ST6GALNAC3: variants seen among roughly 807,000 people sequenced by gnomAD.
ST6GALNAC3 encodes ST6 N-acetylgalactosaminide alpha-2,6-sialyltransferase 3.
ST6GALNAC3 carries 25 observed loss-of-function variants against 32.7 expected under a neutral mutation model. That is an observed-to-expected ratio of 0.76 (90% confidence interval 0.56 to 1.07). ST6GALNAC3 has a LOEUF of 1.07. ST6GALNAC3 is among the 50% of genes least tolerant of loss of function. The pLI is 0.00. For synonymous variants in ST6GALNAC3, 129 were observed against 133.1 expected, an observed-to-expected ratio of 0.97 and a Z score of 0.21; for missense variants, 355 against 382.4, an observed-to-expected ratio of 0.93 and a Z score of 0.60.
intron 2 of ST6GALNAC3, among the ~76,000 whole-genome samples, chr1:76,346,038 C>T (rs1648480496): frequency 1.3e-5 from 2 of 151,936 alleles, no homozygotes; most frequent in African/African-American, 4.8e-5. Flanking sequence ...CCATCTCTTC[C>T]TCCTGCTAGC....
chr1:76,125,709 TTTG>T (rs1649198015), intron 1 of ST6GALNAC3, among the ~76,000 whole-genome samples: 1 of 152,220 alleles, frequency 6.6e-6, no homozygotes. Flanking sequence ...GTTCAAAATC[TTTG>T]TTGTTGACCG....
In ST6GALNAC3 at chr1:76,242,613, A is replaced by G. The variant is rs75448753; in HGVS notation, c.19-71192A>G. On this transcript the variant is annotated intron_variant, in intron 1 of 4. Coordinates refer to ENST00000328299, the MANE Select transcript of ST6GALNAC3 (RefSeq NM_152996.4). ...AATGCTCTCCCTCCCCTTTCCCCTC[A>G]CCCTGCAACAGGCCCTGGTGTGTGA... 7.9e-3 allele frequency among the ~76,000 whole-genome samples: 1,189 copies of G among 151,462 alleles called. 16 individuals are homozygous for G. The highest frequency in any genetic ancestry group is 0.027 in the African/African-American group (1,132 of 41,216).
rs532639780 is a variant in ST6GALNAC3 at position 76,383,213 on chromosome 1, A to G, written c.214-28795A>G. ...AAAATAAAATATTTGTGGATAAACAAAAGCAGGTAATTTGTAAACAGCAAA... is the reference window on the plus strand; with the variant it reads ...AAAATAAAATATTTGTGGATAAACAGAAGCAGGTAATTTGTAAACAGCAAA... On this transcript the variant is annotated intron_variant, in intron 2 of 4. Coordinates refer to ENST00000328299, the MANE Select transcript of ST6GALNAC3 (RefSeq NM_152996.4). Among the ~76,000 whole-genome samples the G allele has an allele frequency of 7.9e-4, 120 of 152,266 alleles. 1 individual carries two copies. The highest frequency in any genetic ancestry group is 4.4e-3 in the Admixed American group (68 of 15,298).
intron 3 of ST6GALNAC3, among the ~76,000 whole-genome samples, chr1:76,624,508 A>G (rs555732495): frequency 2.6e-5 from 4 of 151,904 alleles, no homozygotes; most frequent in Non-Finnish European, 5.9e-5. Context: ...TGCTTGTTTC[A>G]CAGAATAAGT....
At chr1:76,610,390 C>T (rs1433795646) in intron 3 of ST6GALNAC3, among the ~76,000 whole-genome samples, 4 of 152,136 alleles carry the variant, frequency 2.6e-5, no homozygotes, top group Non-Finnish European at 4.4e-5. Context: ...AGCAATCATT[C>T]CTTGCTCTTG....
chr1:76,292,140 C>T (rs1557759090), intron 1 of ST6GALNAC3, among the ~76,000 whole-genome samples: 1 of 152,192 alleles, frequency 6.6e-6, no homozygotes, highest in Admixed American at 6.5e-5. Context: ...ATTGCCCAAA[C>T]CAGAAATGAG....
At position 76,160,292 on chromosome 1, in the gene ST6GALNAC3, G is replaced by A. The variant is rs116273183; in HGVS notation, c.18+85408G>A. On this transcript the variant is annotated intron_variant, in intron 1 of 4. Transcript: ENST00000328299. ...CCGTAAGCATTGGGGAGCTCTCAGA[G>A]GATTTTAAGAAGGGGAGTCTGTGTC... is the stretch of plus-strand genomic sequence containing the variant. Among the ~76,000 whole-genome samples the A allele has an allele frequency of 4.1e-3, 626 of 152,256 alleles. 4 individuals carry two copies. The highest frequency in any genetic ancestry group is 0.015 in the African/African-American group (610 of 41,552).
At chr1:76,164,928 A>G (rs573321722) in intron 1 of ST6GALNAC3, among the ~76,000 whole-genome samples, 1 of 152,202 alleles carries the variant, frequency 6.6e-6, no homozygotes, top group African/African-American at 2.4e-5. Flanking sequence ...AGAGGGGACT[A>G]AAATGTGTGT....
intron 1 of ST6GALNAC3, among the ~76,000 whole-genome samples, chr1:76,185,282 C>G (rs895039496): frequency 6.6e-6 from 1 of 152,146 alleles, no homozygotes; most frequent in African/African-American, 2.4e-5. Context: ...GGGTCTGGCA[C>G]TGAGGAATCA....
intron 3 of ST6GALNAC3, among the ~76,000 whole-genome samples, chr1:76,606,516 G>A (rs1353197998): frequency 6.6e-6 from 1 of 152,076 alleles, no homozygotes; most frequent in African/African-American, 2.4e-5. Flanking sequence ...GCTGAACAAT[G>A]AGGACATGGA....
chr1:76,537,369 G>A (rs1298890495), intron 3 of ST6GALNAC3, among the ~76,000 whole-genome samples: 7 of 152,138 alleles, frequency 4.6e-5, no homozygotes, highest in African/African-American at 1.7e-4. Context: ...ATATCAGAAA[G>A]CTAAAAAGAT....
intron 1 of ST6GALNAC3, among the ~76,000 whole-genome samples, chr1:76,131,934 G>A (rs763116777): frequency 8.5e-5 from 13 of 152,082 alleles, no homozygotes; most frequent in Non-Finnish European, 1.8e-4. Context: ...GATGCAAGGG[G>A]TACCATGATC....
chr1:76,522,853 G>T (rs1276929033), intron 3 of ST6GALNAC3, among the ~76,000 whole-genome samples: 1 of 152,190 alleles, frequency 6.6e-6, no homozygotes, highest in Non-Finnish European at 1.5e-5. Flanking sequence ...TCATTGATCT[G>T]TTGGTTCACA....
intron 3 of ST6GALNAC3, among the ~76,000 whole-genome samples, chr1:76,448,386 C>T (rs1049026815): frequency 2.0e-5 from 3 of 152,164 alleles, no homozygotes; most frequent in East Asian, 1.9e-4. Context: ...TCACATGAGA[C>T]GTTGGTCTAT....
intron 1 of ST6GALNAC3, among the ~76,000 whole-genome samples, chr1:76,104,348 A>G (rs1647374887): frequency 6.6e-6 from 1 of 152,192 alleles, no homozygotes; most frequent in Admixed American, 6.5e-5. Flanking sequence ...TTAGTTTCAG[A>G]TATTGAGATG....
chr1:76,603,901 T>C (rs1255288491), intron 3 of ST6GALNAC3, among the ~76,000 whole-genome samples: 2 of 152,134 alleles, frequency 1.3e-5, no homozygotes, highest in African/African-American at 4.8e-5. Context: ...TTCATATATA[T>C]GAAATATTTC....
At chr1:76,170,627 CCAGTA>C (rs1214077619) in intron 1 of ST6GALNAC3, among the ~76,000 whole-genome samples, 2 of 152,094 alleles carry the variant, frequency 1.3e-5, no homozygotes, top group Non-Finnish European at 2.9e-5. Flanking sequence ...TGTGGTTTGC[CCAGTA>C]CATGGTTTAG....
chr1:76,495,747 A>C (rs1660812332), intron 3 of ST6GALNAC3, among the ~76,000 whole-genome samples: 1 of 152,210 alleles, frequency 6.6e-6, no homozygotes, highest in African/African-American at 2.4e-5. Context: ...TCTATAATTT[A>C]AAAGCTGCTT....
chr1:76,143,876 G>T (rs1424798958), intron 1 of ST6GALNAC3, among the ~76,000 whole-genome samples: 1 of 152,116 alleles, frequency 6.6e-6, no homozygotes, highest in Non-Finnish European at 1.5e-5. Context: ...GGAACAGTGG[G>T]CTCTAGTGCA....
Sources: allele counts gnomAD v4.1 joint callset (sites outside exome capture counted in the v4.1 genomes callset), GRCh38; gene constraint gnomAD v4.1.1; transcripts MANE v1.5; gene names NCBI Gene and HGNC (gene_info 2026-07-23, HGNC 2026-07-21).